Variants in TP53BP1 observed in about 807,000 individuals in gnomAD.
TP53BP1 encodes the protein TP53-binding protein 1.
A neutral mutation model predicts 200.8 loss-of-function variants in TP53BP1; 61 were observed. The observed-to-expected ratio is 0.30, with a 90% CI of 0.25 to 0.38. TP53BP1 has a LOEUF of 0.38. Ranked by LOEUF, TP53BP1 falls within the 10% of genes least tolerant of loss-of-function variation. TP53BP1 has a pLI of 1.00. For missense variants in TP53BP1, 2,144 were observed against 2,371.9 expected, an observed-to-expected ratio of 0.90 and a Z score of 2.00; for synonymous variants, 822 against 844.3, an observed-to-expected ratio of 0.97 and a Z score of 0.46.
rs2045925052 is a variant in TP53BP1 at position 43,441,545 on chromosome 15, C to T, written c.3079G>A (p.Val1027Ile). The part of the protein sequence containing the change: ...TGERKNGSTA[V>I]AESVASPQKT... Reference sequence around the variant, plus strand: ...GGTTACCTGGCAACAGACTCAGCAACAGCAGTAGATCCATTTTTTCTTTCA... The same window carrying T: ...GGTTACCTGGCAACAGACTCAGCAATAGCAGTAGATCCATTTTTTCTTTCA... Residue 1027 changes from valine (V) to isoleucine (I), a missense_variant, in exon 15 of 28, where the codon GTT becomes ATT. Val to Ile is a conservative substitution (Grantham distance 29). Coordinates refer to ENST00000382044, the MANE Select transcript of TP53BP1 (RefSeq NM_001141980.3). 3 of 1,613,168 alleles carry T rather than the reference C, an allele frequency of 1.9e-6. No homozygotes were observed. The highest frequency in any genetic ancestry group is 3.3e-5 in the Admixed American group (2 of 60,004).
At chr15:43,496,417 A>G (rs1309497526), upstream of TP53BP1, among the ~76,000 whole-genome samples, 4 of 152,166 alleles carry the variant, frequency 2.6e-5, no homozygotes, top group Non-Finnish European at 5.9e-5. Context: ...TTAGTTTGTG[A>G]GTATTTTTCT....
At chr15:43,411,585 A>G (rs1265475032) in intron 24 of TP53BP1, among the ~76,000 whole-genome samples, 1 of 152,220 alleles carries the variant, frequency 6.6e-6, no homozygotes, top group Non-Finnish European at 1.5e-5. Context: ...GAGATTGAGA[A>G]ACCCCCAAGC....
chr15:43,494,313 T>C (rs571283014), upstream of TP53BP1, among the ~76,000 whole-genome samples: 1 of 152,324 alleles, frequency 6.6e-6, no homozygotes, highest in South Asian at 2.1e-4. Flanking sequence ...GCACGTGATA[T>C]AGGCAAAGCT....
chr15:43,422,042 C>T lies in TP53BP1; in HGVS notation c.3913G>A (p.Gly1305Arg). Residue 1305 changes from glycine to arginine, a missense_variant, in exon 19 of 28, where the codon GGG (glycine) becomes AGG (arginine). Gly to Arg is a moderately radical substitution (Grantham distance 125). Coordinates refer to ENST00000382044, the MANE Select transcript of TP53BP1 (RefSeq NM_001141980.3). ...TTGGAGGAGAAGGAGCTGATATCCC[C>T]CAGGTCACCTGAGGAGCCCCCAGTC... ...SQTGGSSGDL[G>R]DISSFSSKAS... 6.2e-7 allele frequency: 1 copy of T among 1,614,230 alleles called. No homozygotes were observed. The highest frequency in any genetic ancestry group is 8.5e-7 in the Non-Finnish European group (1 of 1,180,044).
At chr15:43,504,661 A>C (rs2140183202) in intron 1 of TP53BP1, among the ~76,000 whole-genome samples, 1 of 152,328 alleles carries the variant, frequency 6.6e-6, no homozygotes, top group African/African-American at 2.4e-5. Flanking sequence ...TGAACAGCCT[A>C]AACAAAAAAT....
chr15:43,456,865 T>G lies in TP53BP1; in HGVS notation c.1743A>C (p.Glu581Asp), dbSNP rs1252090399. 1 of 1,614,046 alleles carries G rather than the reference T, an allele frequency of 6.2e-7. No homozygotes were observed. Among genetic ancestry groups the G allele is most frequent in the East Asian group, 2.2e-5 (1 of 44,894 alleles). ...SILMNPAQDG[E>D]VQLSQNDDKT... ...TGTCATCATTCTGACTCAGTTGTAC[T>G]TCACCATCCTGTGCTGGATTCATCA... Residue 581 changes from glutamate to aspartate, a missense_variant, in exon 12 of 28, where the codon GAA becomes GAC. Physicochemically the swap from Glu to Asp is conservative, Grantham distance 45. This residue lies in a region of TP53BP1 where 1,700 missense variants were observed against 1,710.3 expected (regional missense o/e 0.99). Coordinates refer to ENST00000382044, the MANE Select transcript of TP53BP1 (RefSeq NM_001141980.3).
intron 12 of TP53BP1, among the ~76,000 whole-genome samples, chr15:43,451,847 A>C (rs1023575784): frequency 1.3e-5 from 2 of 152,222 alleles, no homozygotes; most frequent in Non-Finnish European, 2.9e-5. Context: ...ACTATCATTT[A>C]AATTTGGCCA....
rs540304822 is a variant in TP53BP1, at chr15:43,477,829, G to C, written c.789-70C>G. ...TGTTTTTAAATAAAAAGCTTTTCCT[G>C]TTTTGTGTGTTTTTCTTTAATAATT... is the stretch of plus-strand genomic sequence containing the variant. On this transcript the variant is annotated intron_variant, in intron 7 of 27. Coordinates refer to ENST00000382044, the MANE Select transcript of TP53BP1 (RefSeq NM_001141980.3). 12 of 1,225,046 alleles carry C rather than the reference G, an allele frequency of 9.8e-6. No individual in the cohort carries two copies. In the African/African-American group the frequency reaches 1.2e-4, roughly 12 times the overall value. The allele number at this position is 1,225,046 out of a possible 1,614,324, so 75.9% of individuals were successfully genotyped here.
rs142652085 is a variant in TP53BP1, at chr15:43,492,148, G to A, written c.193-53C>T. 1.2e-5 allele frequency: 18 copies of A among 1,517,990 alleles called. No individual in the cohort carries two copies. In the African/African-American group the frequency reaches 2.3e-4, roughly 20 times the overall value. The allele number at this position is 1,517,990 out of a possible 1,614,324, so 94.0% of individuals were successfully genotyped here. A position where few individuals can be genotyped will look rare whatever the true frequency, so the allele number is the denominator to read the frequency against. On this transcript the variant is annotated intron_variant, in intron 2 of 27. Transcript: ENST00000382044. The stretch of plus-strand genomic sequence containing the variant: ...CATTATATATGAAATAGTTCAAAAT[G>A]AAACCTACTATTTGTGAACAATTTT...
chr15:43,409,112 C>T lies in TP53BP1; in HGVS notation c.5401-16G>A. 6.2e-7 allele frequency: 1 copy of T among 1,613,452 alleles called. No individual in the cohort carries two copies. On this transcript the variant is annotated splice_polypyrimidine_tract_variant and intron_variant, in intron 25 of 27. Transcript: ENST00000382044. ...CTGTGTTACACTGCAAGAAAAGAAG[C>T]AGAGCCAATGGGTTTGGTGACTTCT...
chr15:43,409,394 CTAAACA>C, intron 25 of TP53BP1: 1 of 549,114 alleles, frequency 1.8e-6, no homozygotes, highest in South Asian at 2.7e-5. Flanking sequence ...GTTTCTACTA[CTAAACA>C]TAAACATCAA....
Position 43,406,371 on chromosome 15 carries a change from TC to T in TP53BP1, c.*1011del. The stretch of plus-strand genomic sequence containing the variant: ...ACACTGGGAAGCTCTGACAACTTAT[TC>T]CCTGCTATTATCAACTAAAGATCAC... On this transcript the variant is annotated 3_prime_UTR_variant, in exon 28 of 28. Transcript: ENST00000382044. The T allele has an allele frequency of 3.1e-6, 1 of 317,550 alleles. No individual in the cohort carries two copies. Among genetic ancestry groups the T allele is most frequent in the Non-Finnish European group, 6.2e-6 (1 of 160,490 alleles). 19.7% of individuals were successfully genotyped at this position (317,550 alleles called of 1,614,324 possible).
At position 43,469,902 on chromosome 15, in the gene TP53BP1, G is replaced by A. The variant is rs1456597198; in HGVS notation, c.1345C>T (p.Pro449Ser). 1 of 1,614,040 alleles carries A rather than the reference G, an allele frequency of 6.2e-7. No individual in the cohort carries two copies. Among genetic ancestry groups the A allele is most frequent in the Admixed American group, 1.7e-5 (1 of 60,014 alleles). The change falls in exon 11 of 28, where the codon CCT (proline) becomes TCT (serine). Residue 449 changes from proline (P) to serine (S), a missense_variant. Transcript: ENST00000382044. ...GATGGGATAGGAAGTGACCCAGGAG[G>A]GAAGACTGGTGTGCTCTGAGATATT... ...TPISQSTPVF[P>S]PGSLPIPSQP...
chr15:43,405,362 A>C lies in TP53BP1; in HGVS notation c.*2021T>G. 1.2e-6 allele frequency: 1 copy of C among 837,550 alleles called. No individual in the cohort carries two copies. Among genetic ancestry groups the C allele is most frequent in the Non-Finnish European group, 1.9e-6 (1 of 518,820 alleles). 51.9% of individuals were successfully genotyped at this position (837,550 alleles called of 1,614,324 possible). A position where few individuals can be genotyped will look rare whatever the true frequency, so the allele number is the denominator to read the frequency against. ...TTTCTCCTAGAAGCAGTTACTGAAC[A>C]TCCAGGAGTACAACTCCTTCCCATC... On this transcript the variant is annotated 3_prime_UTR_variant, in exon 28 of 28. Transcript: ENST00000382044.
At chr15:43,491,507 C>T (rs1432996617) in intron 4 of TP53BP1, among the ~76,000 whole-genome samples, 162 bp downstream of exon 4, 8 of 152,146 alleles carry the variant, frequency 5.3e-5, no homozygotes. Flanking sequence ...CAGTTTCCAG[C>T]TATCAGTACT....
chr15:43,458,649 G>A (rs1272470336), intron 11 of TP53BP1, among the ~76,000 whole-genome samples: 1 of 151,900 alleles, frequency 6.6e-6, no homozygotes, highest in Non-Finnish European at 1.5e-5. Flanking sequence ...GCATGGTATT[G>A]TGTCCCTACA....
chr15:43,452,172 C>T (rs937997343), intron 12 of TP53BP1, among the ~76,000 whole-genome samples: 4 of 151,894 alleles, frequency 2.6e-5, no homozygotes, highest in Non-Finnish European at 5.9e-5. Context: ...CAACATTTAG[C>T]AACTAAACAA....
chr15:43,459,695 C>T (rs1366860457), intron 11 of TP53BP1, among the ~76,000 whole-genome samples: 1 of 151,274 alleles, frequency 6.6e-6, no homozygotes, highest in Non-Finnish European at 1.5e-5. Context: ...GACAAGGCTT[C>T]ACTCTGTTGC....
At chr15:43,461,540 G>C (rs1446133202) in intron 11 of TP53BP1, among the ~76,000 whole-genome samples, 3 of 152,012 alleles carry the variant, frequency 2.0e-5, no homozygotes, top group Non-Finnish European at 4.4e-5. Flanking sequence ...TTTAAATTGT[G>C]ATCTATCACA....
Sources: gnomAD v4.1 joint callset for allele counts (sites outside exome capture counted in the v4.1 genomes callset) on GRCh38, gnomAD v4.1.1 for gene constraint, gnomAD v4.1.1 regional missense constraint, MANE v1.5 for transcripts, NCBI Gene and HGNC (gene_info 2026-07-23, HGNC 2026-07-21) for gene names.